HERC2: variants seen among roughly 807,000 people sequenced by gnomAD.
The protein encoded by HERC2 is E3 ubiquitin-protein ligase HERC2.
Under a neutral mutation model 537.7 loss-of-function variants are expected in HERC2, and 102 were observed. That is an observed-to-expected ratio of 0.19 (90% CI 0.16 to 0.22). The LOEUF is 0.22. HERC2 is among the 10% of genes least tolerant of loss of function. The pLI is 1.00. For missense variants in HERC2, 4,236 were observed against 6,198.2 expected (o/e 0.68, Z 10.63); for synonymous variants, 2,224 against 2,466.2 (o/e 0.90, Z 2.91).
chr15:28,299,400 A>G lies in HERC2; in HGVS notation c.187+2T>C, dbSNP rs754037631. On this transcript the variant is annotated splice_donor_variant, in intron 3 of 92. Transcript: ENST00000261609. LOFTEE classifies it high-confidence loss of function. ...TAAAAAACACTAGTTAAAGGCCCTT[A>G]CCTTTTCTAGGAGGGAGCTCTCCGT... 1 of 1,458,066 alleles carries G rather than the reference A, an allele frequency of 6.9e-7. No homozygotes were observed. The highest frequency in any genetic ancestry group is 9.6e-7 in the Non-Finnish European group (1 of 1,042,910). 90.3% of individuals were successfully genotyped at this position (1,458,066 alleles called of 1,614,324 possible).
At chr15:28,220,211 GCA>G (rs1401410355) in intron 37 of HERC2, among the ~76,000 whole-genome samples, 1 of 152,214 alleles carries the variant, frequency 6.6e-6, no homozygotes, top group Non-Finnish European at 1.5e-5. Context: ...AGGGGCGGGT[GCA>G]CACATGAGAG....
Position 28,141,776 on chromosome 15 carries a change from A to C in HERC2, c.11771T>G (p.Ile3924Ser), listed in dbSNP as rs750853068. 2.5e-6 allele frequency: 4 copies of C among 1,614,190 alleles called. No homozygotes were observed. The Admixed American group carries it at 6.7e-5, about 27-fold the overall frequency. Residue 3924 changes from isoleucine (I) to serine (S), a missense_variant, in exon 77 of 93, where the codon ATT (isoleucine) becomes AGT (serine). Physicochemically the swap from Ile to Ser is moderately radical, Grantham distance 142. This residue lies in a region of HERC2 where 156 missense variants were observed against 172.3 expected (regional missense o/e 0.91). Coordinates refer to ENST00000261609, the MANE Select transcript of HERC2 (RefSeq NM_004667.6). ...TTGTTCGTCTTGCTCTCTTTTAAAA[A>C]TGTCATGGCTCTCATGCAGAACATC... The part of the protein sequence containing the change: ...NMDVLHESHD[I>S]FKREQDEQLV...
At chr15:28,224,955 ACAACTAC>A (rs1225037216) in intron 35 of HERC2, among the ~76,000 whole-genome samples, 3 of 152,286 alleles carry the variant, frequency 2.0e-5, no homozygotes, top group African/African-American at 7.2e-5. Flanking sequence ...GAATGAAAAC[ACAACTAC>A]CAAAACTTCT....
In HERC2 at chr15:28,146,349, AG is replaced by A; in HGVS notation, c.10901-6del. The A allele has an allele frequency of 6.2e-7, 1 of 1,606,692 alleles. No individual in the cohort carries two copies. The highest frequency in any genetic ancestry group is 1.1e-5 in the South Asian group (1 of 90,932). ...CTACCCTGAGTCCTTCTGCACCTGA[AG>A]GACAGGCAAGCACAAAACATAGCAA... On this transcript the variant is annotated splice_region_variant and splice_polypyrimidine_tract_variant and intron_variant, in intron 70 of 92. Transcript: ENST00000261609.
chr15:28,188,493 G>A (rs1017216234), intron 55 of HERC2, among the ~76,000 whole-genome samples: 2 of 151,642 alleles, frequency 1.3e-5, no homozygotes, highest in East Asian at 3.9e-4. Context: ...GCAGTGAGCC[G>A]GGATCACACC....
chr15:28,280,998 T>C (rs1312245650), intron 4 of HERC2, among the ~76,000 whole-genome samples: 1 of 151,968 alleles, frequency 6.6e-6, no homozygotes, highest in African/African-American at 2.4e-5. Context: ...AGAAAAACAC[T>C]AGCCATTATT....
chr15:28,182,532 A>G lies in HERC2; in HGVS notation c.8826-20T>C, dbSNP rs1332544964. 13 of 1,545,236 alleles carry G rather than the reference A, an allele frequency of 8.4e-6. No individual in the cohort carries two copies. The South Asian group carries it at 1.5e-4, about 18-fold the overall frequency. On this transcript the variant is annotated intron_variant, in intron 56 of 92. Coordinates refer to ENST00000261609, the MANE Select transcript of HERC2 (RefSeq NM_004667.6). The stretch of plus-strand genomic sequence containing the variant: ...ATGAGGCTAACCAAACGGAAAAAAA[A>G]AAGAAAAAGAAAAGAGAGGTTATTC...
intron 16 of HERC2, 92 bp from the exon 17 acceptor site, chr15:28,257,353 T>C (rs1274453047): frequency 2.9e-6 from 3 of 1,021,680 alleles, no homozygotes; most frequent in Non-Finnish European, 4.4e-6. Flanking sequence ...TGGAGCTGCC[T>C]TATACTATTA....
chr15:28,208,607 TGTC>T (rs1426080350), intron 44 of HERC2, among the ~76,000 whole-genome samples: 4 of 152,152 alleles, frequency 2.6e-5, no homozygotes, highest in African/African-American at 9.7e-5. Context: ...TGTAACAGGA[TGTC>T]ACCCACCCAT....
intron 23 of HERC2, 22 bp from the exon 24 acceptor site, chr15:28,238,794 T>G (rs1430842881): frequency 6.4e-7 from 1 of 1,552,484 alleles, no homozygotes; most frequent in African/African-American, 1.4e-5. Flanking sequence ...GAAACCAGAA[T>G]CAGTCCATTG....
intron 44 of HERC2, among the ~76,000 whole-genome samples, chr15:28,208,935 CTT>C (rs1186897536): frequency 1.3e-5 from 2 of 152,186 alleles, no homozygotes. Flanking sequence ...CAGAAAAGGA[CTT>C]TCCCCGAAAA....
rs1175029279 is a variant in HERC2 at position 28,256,301 on chromosome 15, C to T, written c.2534G>A (p.Ser845Asn). 3.1e-6 allele frequency: 5 copies of T among 1,594,290 alleles called. No individual in the cohort carries two copies. Among genetic ancestry groups the T allele is most frequent in the Non-Finnish European group, 3.4e-6 (4 of 1,178,500 alleles). ...AAGGAATTCCGGGTCAACCTGGTGA[C>T]TAATGGCAGCATGCAACTGAAAGGA... ...LLRLQLHAAI[S>N]HQVDPEFLGL... is the part of the protein sequence containing the mutation. Residue 845 changes from serine (S) to asparagine (N), a missense_variant, in exon 18 of 93, where the codon AGT (serine) becomes AAT (asparagine). By Grantham distance (46) the Ser-to-Asn change is conservative. Coordinates refer to ENST00000261609, the MANE Select transcript of HERC2 (RefSeq NM_004667.6).
intron 68 of HERC2, among the ~76,000 whole-genome samples, chr15:28,166,351 C>CCTGT (rs1894136670): frequency 6.6e-6 from 1 of 152,084 alleles, no homozygotes; most frequent in African/African-American, 2.4e-5. Context: ...AGGAATAAGC[C>CCTGT]CTGTGGTACT....
chr15:28,268,218 T>G lies in HERC2; in HGVS notation c.1598+247A>C, dbSNP rs916977. Among the ~76,000 whole-genome samples the G allele has an allele frequency of 2.0e-5, 3 of 151,988 alleles. No individual in the cohort carries two copies. Among genetic ancestry groups the G allele is most frequent in the Non-Finnish European group, 4.4e-5 (3 of 68,020 alleles). On this transcript the variant is annotated intron_variant, in intron 12 of 92. Coordinates refer to ENST00000261609, the MANE Select transcript of HERC2 (RefSeq NM_004667.6). This position sits in a 1 kb window ranked among gnomAD's most constrained non-coding sequence, Gnocchi z 4.7. ...ACAGTGGGGATGCAGTTTGAGTAGA[T>G]AGAAGGCTGGCCAAGGCTGCACGGG...
At chr15:28,258,120 G>T (rs149277774) in intron 16 of HERC2, among the ~76,000 whole-genome samples, 1 of 152,246 alleles carries the variant, frequency 6.6e-6, no homozygotes, top group East Asian at 1.9e-4. Context: ...TATTAAACTA[G>T]AAATCATGAA....
At chr15:28,201,911 T>C (rs1356217418) in intron 47 of HERC2, among the ~76,000 whole-genome samples, 1 of 152,082 alleles carries the variant, frequency 6.6e-6, no homozygotes, top group African/African-American at 2.4e-5. Flanking sequence ...AAAGTAATTA[T>C]GATATAGAAA....
At position 28,145,630 on chromosome 15, in the gene HERC2, T is replaced by C. The variant is rs192610320; in HGVS notation, c.11008+607A>G. ...CATTCTCTGGCATCCAGTCTGCATG[T>C]TGTTATGACAGAGGCTGCATTACCT... On this transcript the variant is annotated intron_variant, in intron 71 of 92. Transcript: ENST00000261609. Among the ~76,000 whole-genome samples the C allele has an allele frequency of 1.9e-3, 292 of 152,348 alleles. 7 individuals carry two copies. The highest frequency in any genetic ancestry group is 0.016 in the Admixed American group (245 of 15,306).
chr15:28,295,829 C>T (rs1336264918), intron 3 of HERC2, among the ~76,000 whole-genome samples: 6 of 152,242 alleles, frequency 3.9e-5, no homozygotes, highest in East Asian at 1.9e-4. Context: ...GTCCCCTGCC[C>T]GCTGACATAG....
chr15:28,301,750 T>TAC (rs2076637445), intron 2 of HERC2, among the ~76,000 whole-genome samples: 1 of 98,956 alleles, frequency 1.0e-5, no homozygotes, highest in Non-Finnish European at 1.9e-5. Context: ...TATATATATA[T>TAC]ATATATATAT....
Sources: allele counts gnomAD v4.1 joint callset (sites outside exome capture counted in the v4.1 genomes callset), GRCh38; gene constraint gnomAD v4.1.1; regional missense constraint gnomAD v4.1.1; non-coding constraint Gnocchi (gnomAD v3.1); transcripts MANE v1.5; gene names NCBI Gene and HGNC (gene_info 2026-07-23, HGNC 2026-07-21).